STPG2: variants seen among roughly 807,000 people sequenced by gnomAD.
STPG2 encodes sperm-tail PG-rich repeat-containing protein 2.
A neutral mutation model predicts 54.2 loss-of-function variants in STPG2; 56 were observed. The observed-to-expected ratio is 1.03, with a 90% CI of 0.83 to 1.29. The LOEUF (loss-of-function observed/expected upper bound fraction) is 1.29. STPG2 is among the 50% of genes most tolerant of loss of function. STPG2 has a pLI of 0.00. For synonymous variants in STPG2, 200 were observed against 181.8 expected, an observed-to-expected ratio of 1.10 and a Z score of -0.81; for missense variants, 596 against 544.9, an observed-to-expected ratio of 1.09 and a Z score of -0.93.
intron 8 of STPG2, among the ~76,000 whole-genome samples, chr4:97,862,086 T>G (rs1353725465): frequency 6.6e-6 from 1 of 151,998 alleles, no homozygotes; most frequent in Non-Finnish European, 1.5e-5. Context: ...TAACCTTAAA[T>G]GTAAATGGGC....
rs1481375315 is a variant in STPG2 at position 98,052,561 on chromosome 4, CT to C, written c.612+53391del. ...ATATGTTTTTATGTTTTGTTGATGA[CT>C]TTTTTAAAGTTCAATAATACATTCT... is the stretch of plus-strand genomic sequence containing the variant. On this transcript the variant is annotated intron_variant, in intron 5 of 10. Coordinates refer to ENST00000295268, the MANE Select transcript of STPG2 (RefSeq NM_174952.3). Among the ~76,000 whole-genome samples the C allele has an allele frequency of 1.9e-4, 29 of 152,124 alleles. 1 individual carries two copies. The highest frequency in any genetic ancestry group is 1.8e-3 in the Admixed American group (28 of 15,256).
chr4:97,570,587 C>T (rs1445749218), intron 10 of STPG2, among the ~76,000 whole-genome samples: 2 of 151,928 alleles, frequency 1.3e-5, no homozygotes, highest in Admixed American at 6.6e-5. Context: ...GCCCCCACTC[C>T]CACTGCTACC....
chr4:97,496,041 T>G (rs369401732), intron 4 of STPG2, among the ~76,000 whole-genome samples: 1 of 151,776 alleles, frequency 6.6e-6, no homozygotes, highest in East Asian at 1.9e-4. Flanking sequence ...TGCATAAATA[T>G]GTTGAAAATC....
chr4:97,599,130 C>T (rs571408125), intron 10 of STPG2, among the ~76,000 whole-genome samples: 15 of 152,042 alleles, frequency 9.9e-5, no homozygotes, highest in Non-Finnish European at 1.5e-4. Flanking sequence ...GACATATTTG[C>T]GGCCAGCAAG....
chr4:97,858,594 T>C (rs890300718), intron 8 of STPG2, among the ~76,000 whole-genome samples: 16 of 152,124 alleles, frequency 1.1e-4, no homozygotes, highest in African/African-American at 3.9e-4. Context: ...ATTACATGAT[T>C]CTTATCCCTT....
chr4:97,479,560 C>T (rs1730167810), intron 4 of STPG2, among the ~76,000 whole-genome samples: 1 of 151,792 alleles, frequency 6.6e-6, no homozygotes, highest in South Asian at 2.1e-4. Flanking sequence ...CTGGATTGCA[C>T]AATAGAAATT....
intron 10 of STPG2, among the ~76,000 whole-genome samples, chr4:97,599,834 AAAAGAAAAG>A (rs1178963679): frequency 3.7e-4 from 44 of 120,292 alleles, no homozygotes; most frequent in African/African-American, 3.2e-3. Flanking sequence ...AAAAAAAAAA[AAAAGAAAAG>A]AAAAGAAAAG....
chr4:97,755,553 C>A (rs1013988384), intron 9 of STPG2, among the ~76,000 whole-genome samples: 3 of 152,168 alleles, frequency 2.0e-5, no homozygotes, highest in African/African-American at 7.2e-5. Flanking sequence ...AGATGTACTT[C>A]ATACTGCCTT....
chr4:98,021,579 T>A (rs1299831702), intron 5 of STPG2, among the ~76,000 whole-genome samples: 1 of 152,158 alleles, frequency 6.6e-6, no homozygotes, highest in Non-Finnish European at 1.5e-5. Context: ...CCTTGTTAAC[T>A]TTCTGTCTCA....
At chr4:98,107,030 C>T (rs1190501589) in intron 4 of STPG2, among the ~76,000 whole-genome samples, 1 of 152,130 alleles carries the variant, frequency 6.6e-6, no homozygotes, top group Non-Finnish European at 1.5e-5. Flanking sequence ...TATGCACTTA[C>T]CATCCCCGCT....
intron 4 of STPG2, among the ~76,000 whole-genome samples, chr4:97,469,839 T>C (rs764637496): frequency 7.9e-5 from 12 of 151,840 alleles, no homozygotes; most frequent in Non-Finnish European, 1.5e-4. Flanking sequence ...AGTGGGAACA[T>C]GTGTGCCAAA....
intron 9 of STPG2, among the ~76,000 whole-genome samples, chr4:97,737,078 G>A (rs1446626743): frequency 2.0e-5 from 3 of 152,126 alleles, no homozygotes; most frequent in Admixed American, 6.5e-5. Context: ...TGCAGCCACC[G>A]CTGCTGGAAC....
chr4:97,775,230 A>C (rs990781237), intron 9 of STPG2, among the ~76,000 whole-genome samples: 1 of 152,160 alleles, frequency 6.6e-6, no homozygotes, highest in Non-Finnish European at 1.5e-5. Flanking sequence ...GTAGCATTGC[A>C]ATGTAAAGAG....
intron 8 of STPG2, among the ~76,000 whole-genome samples, chr4:97,911,112 G>C (rs1188549796): frequency 6.6e-6 from 1 of 152,216 alleles, no homozygotes; most frequent in African/African-American, 2.4e-5. Context: ...GACCCTGCCT[G>C]GGAAACCAGG....
chr4:97,632,724 T>C (rs1335448138), intron 10 of STPG2, among the ~76,000 whole-genome samples: 1 of 152,244 alleles, frequency 6.6e-6, no homozygotes, highest in Middle Eastern at 3.4e-3. Flanking sequence ...AGATACAGAA[T>C]GTATTTTCAA....
At chr4:98,004,970 T>TTAAAA (rs1735532452) in intron 5 of STPG2, among the ~76,000 whole-genome samples, 2 of 142,452 alleles carry the variant, frequency 1.4e-5, no homozygotes, top group Admixed American at 7.1e-5. Flanking sequence ...TCTTTGCTGT[T>TTAAAA]AAAAAAAAAA....
intron 5 of STPG2, among the ~76,000 whole-genome samples, chr4:98,074,742 T>G (rs1207107928): frequency 6.6e-6 from 1 of 152,214 alleles, no homozygotes; most frequent in Non-Finnish European, 1.5e-5. Context: ...CCAATGGCAT[T>G]CTTCGTTTTA....
chr4:98,086,662 G>C (rs1738523396), intron 5 of STPG2, among the ~76,000 whole-genome samples: 1 of 39,590 alleles, frequency 2.5e-5, no homozygotes, highest in Non-Finnish European at 5.0e-5. Context: ...ACAGATGCAT[G>C]CCAGAAAAAA....
chr4:97,674,115 A>G (rs531495461), intron 10 of STPG2, among the ~76,000 whole-genome samples: 1 of 152,228 alleles, frequency 6.6e-6, no homozygotes, highest in South Asian at 2.1e-4. Flanking sequence ...GATCTTCTCT[A>G]CTACTTACCA....
Sources: allele counts gnomAD v4.1 joint callset (sites outside exome capture counted in the v4.1 genomes callset), GRCh38; gene constraint gnomAD v4.1.1; transcripts MANE v1.5; gene names NCBI Gene and HGNC (gene_info 2026-07-23, HGNC 2026-07-21).